Variants in CPLX1 observed in about 807,000 individuals in gnomAD.
CPLX1 encodes complexin 1.
Under a neutral mutation model 15.6 loss-of-function variants are expected in CPLX1, and 6 were observed. That is an observed-to-expected ratio of 0.39 (90% CI 0.21 to 0.76). The LOEUF is 0.76. Among genes scored for constraint, CPLX1 ranks in the 30% least tolerant of loss-of-function variants. The pLI is 0.43. For missense variants in CPLX1, 242 were observed against 188.6 expected (o/e 1.28, Z -1.66); for synonymous variants, 91 against 75.2 (o/e 1.21, Z -1.08).
chr4:796,471 A>C lies in CPLX1; in HGVS notation c.32-3863T>G, dbSNP rs537836987. On this transcript the variant is annotated intron_variant, in intron 2 of 3. Transcript: ENST00000304062. Reference sequence around the variant, plus strand: ...TGGCTAATTTTTGTATTTTCAGTAGAGACGGGTTTCACCGTATTGGCCAGG... The same window carrying C: ...TGGCTAATTTTTGTATTTTCAGTAGCGACGGGTTTCACCGTATTGGCCAGG... Among the ~76,000 whole-genome samples, 269 of 152,292 alleles carry C rather than the reference A, an allele frequency of 1.8e-3. 1 individual carries two copies. The highest frequency in any genetic ancestry group is 0.01 in the Middle Eastern group (3 of 294).
intron 2 of CPLX1, among the ~76,000 whole-genome samples, chr4:812,097 C>G (rs1746674831): frequency 1.3e-5 from 2 of 152,032 alleles, no homozygotes; most frequent in South Asian, 4.2e-4. Flanking sequence ...TTATTTGAGA[C>G]AGAGTCTTGC....
intron 2 of CPLX1, among the ~76,000 whole-genome samples, chr4:808,319 C>G (rs543647607): frequency 2.0e-5 from 3 of 152,072 alleles, no homozygotes; most frequent in Non-Finnish European, 4.4e-5. Flanking sequence ...TAACAACAAA[C>G]GAGTTGGAAA....
intron 2 of CPLX1, among the ~76,000 whole-genome samples, chr4:800,841 A>G (rs892060066): frequency 3.4e-4 from 50 of 147,222 alleles, no homozygotes; most frequent in East Asian, 2.4e-3. Context: ...GTGTGTGTGT[A>G]TATATATGTA....
At position 792,603 on chromosome 4, in the gene CPLX1, T is replaced by A; in HGVS notation, c.37A>T (p.Thr13Ser). 1 of 1,611,764 alleles carries A rather than the reference T, an allele frequency of 6.2e-7. No homozygotes were observed. Among genetic ancestry groups the A allele is most frequent in the South Asian group, 1.1e-5 (1 of 90,922 alleles). Reference sequence around the variant, plus strand: ...CCCAGCATCTTCCCCATGTCCTTGGTGGCCCCTGGTACAGAAGTTGGTGAT... The same window carrying A: ...CCCAGCATCTTCCCCATGTCCTTGGAGGCCCCTGGTACAGAAGTTGGTGAT... ...FVMKQALGGATKDMGKMLGGD... is the reference protein window; with the variant it reads ...FVMKQALGGASKDMGKMLGGD... Residue 13 changes from threonine to serine, a missense_variant, in exon 3 of 4, where the codon ACC becomes TCC. Physicochemically the swap from Thr to Ser is moderately conservative, Grantham distance 58. Coordinates refer to ENST00000304062, the MANE Select transcript of CPLX1 (RefSeq NM_006651.4).
chr4:787,664 A>T, intron 3 of CPLX1: 1 of 983,116 alleles, frequency 1.0e-6, no homozygotes, highest in Non-Finnish European at 1.2e-6. Flanking sequence ...GCCCTCCCCC[A>T]GAGCCTCCAG....
At chr4:800,472 T>TAAA (rs1216635676) in intron 2 of CPLX1, among the ~76,000 whole-genome samples, 3 of 146,860 alleles carry the variant, frequency 2.0e-5, no homozygotes, top group South Asian at 2.2e-4. Flanking sequence ...CCATCTCTAC[T>TAAA]AAAAAATATA....
At chr4:823,572 G>A (rs889274224) in intron 2 of CPLX1, among the ~76,000 whole-genome samples, 1 of 152,230 alleles carries the variant, frequency 6.6e-6, no homozygotes, top group Non-Finnish European at 1.5e-5. Flanking sequence ...ATCGGGCACC[G>A]GCCACAGGTT....
At chr4:810,869 G>A (rs998430972) in intron 2 of CPLX1, among the ~76,000 whole-genome samples, 1 of 151,620 alleles carries the variant, frequency 6.6e-6, no homozygotes, top group Non-Finnish European at 1.5e-5. Context: ...GCTAATTTTT[G>A]TATTCTTAGT....
chr4:799,194 C>T lies in CPLX1; in HGVS notation c.32-6586G>A, dbSNP rs1345422976. Among the ~76,000 whole-genome samples, 5 of 152,328 alleles carry T rather than the reference C, an allele frequency of 3.3e-5. No homozygotes were observed. In the East Asian group the frequency reaches 9.7e-4, roughly 29 times the overall value. On this transcript the variant is annotated intron_variant, in intron 2 of 3. Transcript: ENST00000304062. ...TCATAAGCCCTCATTTCAGAAGGGGCCCTGCCCCGTGCCCTGGAGGAAGGA... is the reference window on the plus strand; with the variant it reads ...TCATAAGCCCTCATTTCAGAAGGGGTCCTGCCCCGTGCCCTGGAGGAAGGA...
chr4:807,903 G>C (rs558606225), intron 2 of CPLX1, among the ~76,000 whole-genome samples: 25 of 152,260 alleles, frequency 1.6e-4, no homozygotes, highest in African/African-American at 4.1e-4. Context: ...ATCTCAATAT[G>C]TTTTCCAGAG....
At chr4:825,951 G>GGGGGCCGGGGAGGAGACGCCGGGGCCGGC (rs1746978974) in intron 1 of CPLX1, 95 bp downstream of exon 1, 2 of 146,120 alleles carry the variant, frequency 1.4e-5, no homozygotes, top group South Asian at 2.1e-4. Flanking sequence ...CGGGAGAAGC[G>GGGGGCCGGGGAGGAGACGCCGGGGCCGGC]GGGAGAAGCG....
intron 2 of CPLX1, among the ~76,000 whole-genome samples, chr4:812,613 G>A (rs899344157): frequency 6.6e-6 from 1 of 152,158 alleles, no homozygotes; most frequent in Non-Finnish European, 1.5e-5. Context: ...TCCAAAATAA[G>A]AGAGGAAAGG....
At chr4:799,701 A>G (rs982243226) in intron 2 of CPLX1, among the ~76,000 whole-genome samples, 1 of 152,124 alleles carries the variant, frequency 6.6e-6, no homozygotes, top group African/African-American at 2.4e-5. Context: ...CGTCTCTACT[A>G]AAAATACAAA....
intron 2 of CPLX1, among the ~76,000 whole-genome samples, chr4:819,667 C>T (rs1040403362): frequency 1.3e-5 from 2 of 152,194 alleles, no homozygotes; most frequent in East Asian, 1.9e-4. Flanking sequence ...GCCTGCCCAA[C>T]ACCCGGCCTC....
At position 785,593 on chromosome 4, in the gene CPLX1, CCA is replaced by C. The variant is rs1444522665; in HGVS notation, c.*906_*907del. The C allele has an allele frequency of 2.0e-5, 3 of 152,470 alleles. No homozygotes were observed. The highest frequency in any genetic ancestry group is 4.4e-5 in the Non-Finnish European group (3 of 68,056). 9.4% of individuals were successfully genotyped at this position (152,470 alleles called of 1,614,324 possible). ...CCGCAGGGCCACCAGGTGGATTAGG[CCA>C]CACACGCGCCAGCTGCGCGCAGGGA... On this transcript the variant is annotated 3_prime_UTR_variant, in exon 4 of 4. Transcript: ENST00000304062.
Position 824,611 on chromosome 4 carries a change from A to T in CPLX1, c.-79-10T>A. The T allele has an allele frequency of 7.0e-7, 1 of 1,437,120 alleles. No individual in the cohort carries two copies. 89.0% of individuals were successfully genotyped at this position (1,437,120 alleles called of 1,614,324 possible). On this transcript the variant is annotated splice_polypyrimidine_tract_variant and intron_variant, in intron 1 of 3. Coordinates refer to ENST00000304062, the MANE Select transcript of CPLX1 (RefSeq NM_006651.4). The stretch of plus-strand genomic sequence containing the variant: ...GGAGCGAGTGTTCTTCCTGGGGGAG[A>T]GTGAAGTGGTCACAGGTCACCCTAA...
intron 3 of CPLX1, among the ~76,000 whole-genome samples, chr4:790,058 A>C (rs563702371): frequency 9.9e-6 from 1 of 101,490 alleles, no homozygotes; most frequent in South Asian, 3.0e-4. Context: ...GCCACGCCTG[A>C]GGGCAGCGTT....
rs1277083540 is a variant in CPLX1 at position 818,883 on chromosome 4, G to A, written c.31+5609C>T. Among the ~76,000 whole-genome samples, 7 of 152,384 alleles carry A rather than the reference G, an allele frequency of 4.6e-5. No individual in the cohort carries two copies. In the South Asian group the frequency reaches 1.2e-3, roughly 27 times the overall value. On this transcript the variant is annotated intron_variant, in intron 2 of 3. Coordinates refer to ENST00000304062, the MANE Select transcript of CPLX1 (RefSeq NM_006651.4). ...GGTGCTGGACTGGATGGTGGAGCTG[G>A]AGGGTGGGGCCTCGCCTCATCCCGG...
chr4:793,740 G>T (rs1217396739), intron 2 of CPLX1, among the ~76,000 whole-genome samples: 1 of 152,204 alleles, frequency 6.6e-6, no homozygotes, highest in Non-Finnish European at 1.5e-5. Context: ...CGGCCACCCG[G>T]CCCCCTCTCG....
Sources: allele counts gnomAD v4.1 joint callset (sites outside exome capture counted in the v4.1 genomes callset), GRCh38; gene constraint gnomAD v4.1.1; transcripts MANE v1.5; gene names NCBI Gene and HGNC (gene_info 2026-07-23, HGNC 2026-07-21).